The following INPP5D variants were observed in gnomAD, a reference collection of about 807,000 sequenced individuals.
INPP5D encodes the protein phosphatidylinositol 3,4,5-trisphosphate 5-phosphatase 1.
INPP5D carries 33 observed loss-of-function variants against 122.9 expected under a neutral mutation model. That is an observed-to-expected ratio of 0.27 (90% confidence interval 0.20 to 0.36). INPP5D has a LOEUF of 0.36. Among genes scored for constraint, INPP5D ranks in the 10% least tolerant of loss-of-function variants. The pLI, the probability that INPP5D is intolerant of heterozygous loss-of-function variation, is 1.00. For missense variants in INPP5D, 1,053 were observed against 1,412.7 expected, an observed-to-expected ratio of 0.75 and a Z score of 4.08; for synonymous variants, 584 against 576.2, an observed-to-expected ratio of 1.01 and a Z score of -0.19.
At chr2:233,099,135 G>A (rs537991360) in intron 2 of INPP5D, among the ~76,000 whole-genome samples, 4 of 152,032 alleles carry the variant, frequency 2.6e-5, no homozygotes, top group Admixed American at 2.6e-4. Flanking sequence ...ATTTATAGTA[G>A]AGGCGAGGTT....
intron 1 of INPP5D, among the ~76,000 whole-genome samples, chr2:233,060,859 T>C (rs1406781109): frequency 6.6e-6 from 1 of 152,194 alleles, no homozygotes; most frequent in Admixed American, 6.5e-5. Flanking sequence ...ATGAGCTGTA[T>C]GGACCTTGTG....
intron 3 of INPP5D, among the ~76,000 whole-genome samples, chr2:233,122,814 AAAAG>A (rs912240813): frequency 2.6e-5 from 4 of 152,302 alleles, no homozygotes; most frequent in African/African-American, 9.6e-5. Context: ...CTAAGAAAAA[AAAAG>A]AGAGAGAGAG....
chr2:233,076,724 G>C (rs1691530083), intron 1 of INPP5D, among the ~76,000 whole-genome samples: 1 of 152,066 alleles, frequency 6.6e-6, no homozygotes, highest in African/African-American at 2.4e-5. Flanking sequence ...AGACACAAAA[G>C]GGAATTCACA....
chr2:233,112,607 C>T (rs986833574), intron 2 of INPP5D, among the ~76,000 whole-genome samples: 2 of 152,144 alleles, frequency 1.3e-5, no homozygotes, highest in African/African-American at 2.4e-5. Flanking sequence ...TGTGGGCTCT[C>T]GCAGCAGACA....
chr2:233,068,901 G>C (rs1289161040), intron 1 of INPP5D, among the ~76,000 whole-genome samples: 1 of 152,120 alleles, frequency 6.6e-6, no homozygotes, highest in East Asian at 1.9e-4. Flanking sequence ...GAAGGGATGG[G>C]GGCACAGAGG....
intron 18 of INPP5D, among the ~76,000 whole-genome samples, chr2:233,178,962 A>G (rs1452666497): frequency 2.6e-5 from 4 of 152,094 alleles, no homozygotes; most frequent in East Asian, 1.9e-4. Flanking sequence ...CTCTGGTCCT[A>G]TACTTTGAAC....
rs58284775 is a variant in INPP5D at position 233,094,512 on chromosome 2, C to CAAAAAAAAAAA, written c.198+15134_198+15144dup. Among the ~76,000 whole-genome samples, 245 of 34,960 alleles carry CAAAAAAAAAAA rather than the reference C, an allele frequency of 7.0e-3. 99 individuals carry two copies. The highest frequency in any genetic ancestry group is 0.011 in the African/African-American group (91 of 8,252). The allele number at this position is 34,960 out of a possible 152,430, so 22.9% of individuals were successfully genotyped here. A position where few individuals can be genotyped will look rare whatever the true frequency, so the allele number is the denominator to read the frequency against. ...TGGGCAATAGAGCAAGACTCCATCC[C>CAAAAAAAAAAA]AAAAAAAAAAAAAAAAAAAAAAAAA... On this transcript the variant is annotated intron_variant, in intron 2 of 26. Transcript: ENST00000445964.
In INPP5D at chr2:233,207,272, G is replaced by C. The variant is rs192238499; in HGVS notation, c.*564G>C. The C allele has an allele frequency of 1.3e-5, 2 of 152,980 alleles. No homozygotes were observed. Among genetic ancestry groups the C allele is most frequent in the South Asian group, 4.1e-4 (2 of 4,826 alleles). The allele number at this position is 152,980 out of a possible 1,614,324, so 9.5% of individuals were successfully genotyped here. A position where few individuals can be genotyped will look rare whatever the true frequency, so the allele number is the denominator to read the frequency against. On this transcript the variant is annotated 3_prime_UTR_variant, in exon 27 of 27. Transcript: ENST00000445964. This position sits in a 1 kb window ranked among gnomAD's most constrained non-coding sequence, Gnocchi z 4.6. Reference sequence around the variant, plus strand: ...CCCTCCTGGAGTGAGACAAGGGCTCGGCCTTAAGGAGCTGAAGAGTCTGGG... The same window carrying C: ...CCCTCCTGGAGTGAGACAAGGGCTCCGCCTTAAGGAGCTGAAGAGTCTGGG...
At chr2:233,167,287 C>A (rs887099270) in intron 13 of INPP5D, among the ~76,000 whole-genome samples, 1 of 151,344 alleles carries the variant, frequency 6.6e-6, no homozygotes, top group African/African-American at 2.4e-5. Flanking sequence ...GGGAGGATCA[C>A]TTAAATCTGG....
At chr2:233,195,600 A>G in intron 24 of INPP5D, 105 bp downstream of exon 24, 2 of 1,545,302 alleles carry the variant, frequency 1.3e-6, no homozygotes, top group Admixed American at 3.7e-5. Context: ...TAATCCCGGC[A>G]CTTTGGGAGG....
chr2:233,073,640 CA>C (rs752382722), intron 1 of INPP5D, among the ~76,000 whole-genome samples: 8,484 of 44,074 alleles, frequency 0.19, 195 homozygotes, highest in African/African-American at 0.28. Context: ...AACTCAATCT[CA>C]AAAAAAAAAA....
intron 9 of INPP5D, among the ~76,000 whole-genome samples, chr2:233,152,272 G>A (rs1156255467): frequency 6.6e-6 from 1 of 152,098 alleles, no homozygotes; most frequent in Non-Finnish European, 1.5e-5. Flanking sequence ...GGGAATCTGT[G>A]GTTGCAAGAG....
chr2:233,095,307 T>G (rs1313691825), intron 2 of INPP5D, among the ~76,000 whole-genome samples: 8 of 152,196 alleles, frequency 5.3e-5, no homozygotes, highest in Admixed American at 1.3e-4. Flanking sequence ...TCTCACTGTG[T>G]TGCCCAGGCT....
intron 2 of INPP5D, among the ~76,000 whole-genome samples, chr2:233,113,308 C>T (rs575918122): frequency 6.6e-6 from 1 of 152,278 alleles, no homozygotes; most frequent in Admixed American, 6.5e-5. Context: ...ACCTGACCAC[C>T]TCCCTGGCCC....
intron 2 of INPP5D, among the ~76,000 whole-genome samples, chr2:233,089,027 G>A (rs148102166): frequency 2.4e-4 from 37 of 152,296 alleles, no homozygotes; most frequent in Non-Finnish European, 4.9e-4. Context: ...CGTATGTCCC[G>A]ACTATATTCC....
chr2:233,095,292 T>G (rs1692105925), intron 2 of INPP5D, among the ~76,000 whole-genome samples: 1 of 152,288 alleles, frequency 6.6e-6, no homozygotes, highest in East Asian at 1.9e-4. Flanking sequence ...ATTTTAGAGA[T>G]AGGATCTCAC....
intron 25 of INPP5D, among the ~76,000 whole-genome samples, 199 bp from the exon 26 acceptor site, chr2:233,203,927 A>G (rs550709967): frequency 6.6e-6 from 1 of 152,322 alleles, no homozygotes; most frequent in African/African-American, 2.4e-5. Flanking sequence ...AGCCTGGGTG[A>G]CAGAGCGAGA....
At chr2:233,169,099 T>C (rs1033536532) in intron 13 of INPP5D, among the ~76,000 whole-genome samples, 1 of 151,854 alleles carries the variant, frequency 6.6e-6, no homozygotes, top group Non-Finnish European at 1.5e-5. Flanking sequence ...CCGAGAAGGC[T>C]GAGGCTGCCG....
At chr2:233,102,356 C>G (rs1200360034) in intron 2 of INPP5D, among the ~76,000 whole-genome samples, 1 of 152,184 alleles carries the variant, frequency 6.6e-6, no homozygotes. Context: ...GTGTTTCCCC[C>G]ATGGGCCCCA....
Sources: gnomAD v4.1 joint callset for allele counts (sites outside exome capture counted in the v4.1 genomes callset) on GRCh38, gnomAD v4.1.1 for gene constraint, Gnocchi (gnomAD v3.1) non-coding constraint, MANE v1.5 for transcripts, NCBI Gene and HGNC (gene_info 2026-07-23, HGNC 2026-07-21) for gene names.